MYCBP2: variants seen among roughly 807,000 people sequenced by gnomAD.
MYCBP2 encodes MYC binding protein 2, also known as E3 ubiquitin-protein ligase MYCBP2.
MYCBP2 carries 120 observed loss-of-function variants against 525.3 expected under a neutral mutation model. That is an observed-to-expected ratio of 0.23 (90% CI 0.20 to 0.27). The LOEUF (loss-of-function observed/expected upper bound fraction) is 0.27. Among genes scored for constraint, MYCBP2 ranks in the 10% least tolerant of loss-of-function variants. MYCBP2 has a pLI of 1.00. For missense variants in MYCBP2, 4,149 were observed against 5,657.1 expected, an observed-to-expected ratio of 0.73 and a Z score of 8.55; for synonymous variants, 1,894 against 1,955.8, an observed-to-expected ratio of 0.97 and a Z score of 0.83.
intron 68 of MYCBP2, among the ~76,000 whole-genome samples, chr13:77,074,624 GA>G (rs2041976602): frequency 1.3e-5 from 2 of 152,276 alleles, no homozygotes; most frequent in South Asian, 4.1e-4. Context: ...ATCAAAAAAT[GA>G]AAGGATAAAC....
At chr13:77,265,304 TTTAAACTAAAAA>T (rs2073920232) in intron 8 of MYCBP2, among the ~76,000 whole-genome samples, 1 of 151,994 alleles carries the variant, frequency 6.6e-6, no homozygotes, top group South Asian at 2.1e-4. Context: ...GCAGTAAGAT[TTTAAACTAAAAA>T]GCAAAGAAGA....
At chr13:77,315,663 G>A (rs557763906) in intron 1 of MYCBP2, among the ~76,000 whole-genome samples, 59 of 152,272 alleles carry the variant, frequency 3.9e-4, no homozygotes, top group African/African-American at 1.4e-3. Context: ...CAGAGTCTGA[G>A]GCAGGTGGAT....
intron 26 of MYCBP2, among the ~76,000 whole-genome samples, chr13:77,196,511 C>T (rs927629526): frequency 3.3e-5 from 5 of 152,166 alleles, no homozygotes; most frequent in African/African-American, 1.2e-4. Flanking sequence ...ATGACCCAAC[C>T]TGATAGCAGT....
In MYCBP2 at chr13:77,283,421, G is replaced by A. The variant is rs112189688; in HGVS notation, c.595-4510C>T. Reference sequence around the variant, plus strand: ...TCCCTACAAGACAATGCTTTCTTGAGGGCAGGAATTATGTCTCATCCTTTT... The same window carrying A: ...TCCCTACAAGACAATGCTTTCTTGAAGGCAGGAATTATGTCTCATCCTTTT... On this transcript the variant is annotated intron_variant, in intron 3 of 82. Coordinates refer to ENST00000544440, the MANE Select transcript of MYCBP2 (RefSeq NM_015057.5). Among the ~76,000 whole-genome samples, 921 of 152,204 alleles carry A rather than the reference G, an allele frequency of 6.1e-3. 4 individuals are homozygous for A. Among genetic ancestry groups the A allele is most frequent in the Middle Eastern group, 0.014 (4 of 294 alleles).
chr13:77,301,811 T>C (rs563782282), intron 1 of MYCBP2, among the ~76,000 whole-genome samples: 3 of 152,264 alleles, frequency 2.0e-5, no homozygotes, highest in African/African-American at 7.2e-5. Flanking sequence ...AGATTAACAA[T>C]ATGTGTAAAA....
At chr13:77,219,293 C>T (rs1229185853) in intron 20 of MYCBP2, among the ~76,000 whole-genome samples, 2 of 152,014 alleles carry the variant, frequency 1.3e-5, no homozygotes, top group Admixed American at 6.6e-5. Flanking sequence ...AGACATACAC[C>T]TAACCACTCG....
At position 77,171,506 on chromosome 13, in the gene MYCBP2, G is replaced by C; in HGVS notation, c.5780C>G (p.Ala1927Gly). The C allele has an allele frequency of 1.9e-6, 3 of 1,613,334 alleles. No individual in the cohort carries two copies. The highest frequency in any genetic ancestry group is 2.5e-6 in the Non-Finnish European group (3 of 1,179,606). Residue 1927 changes from alanine to glycine, a missense_variant, in exon 38 of 83, where the codon GCT becomes GGT. By Grantham distance (60) the Ala-to-Gly change is moderately conservative. Transcript: ENST00000544440. ...AAAAATATTACCATCCACAGCAAGA[G>C]CTCTGTGCAGGAGGTCCTTAGAGGC... ...VRASKDLLHR[A>G]LAVDADDIPE...
At chr13:77,260,724 C>T in intron 12 of MYCBP2, 132 bp from the exon 13 acceptor site, 1 of 730,866 alleles carries the variant, frequency 1.4e-6, no homozygotes, top group Non-Finnish European at 2.1e-6. Context: ...TTCACAAAGG[C>T]CTGGGCTTCC....
intron 21 of MYCBP2, among the ~76,000 whole-genome samples, chr13:77,216,180 G>A (rs951065986): frequency 5.3e-5 from 8 of 152,110 alleles, no homozygotes; most frequent in African/African-American, 1.4e-4. Context: ...TGGCCAAATC[G>A]GAGATAATCT....
chr13:77,222,013 A>C (rs565911247), intron 20 of MYCBP2, among the ~76,000 whole-genome samples: 13 of 152,350 alleles, frequency 8.5e-5, no homozygotes, highest in African/African-American at 2.9e-4. Context: ...TTAGGAAATA[A>C]TAACAAGACA....
At chr13:77,264,120 G>A (rs1001391329) in intron 8 of MYCBP2, 118 bp from the exon 9 acceptor site, 2 of 622,120 alleles carry the variant, frequency 3.2e-6, no homozygotes, top group African/African-American at 3.8e-5. Flanking sequence ...AACTCAAAAG[G>A]AGACTGTGCT....
rs1332782045 is a variant in MYCBP2, at chr13:77,180,122, A to T, written c.5133+5T>A. On this transcript the variant is annotated splice_donor_5th_base_variant and intron_variant, in intron 34 of 82. Coordinates refer to ENST00000544440, the MANE Select transcript of MYCBP2 (RefSeq NM_015057.5). ...TTTATCCAGTGTCAAAATATAATGT[A>T]TTACCTCAGATCCCAGGGCTGACGC... The T allele has an allele frequency of 6.2e-7, 1 of 1,608,690 alleles. No individual in the cohort carries two copies. Among genetic ancestry groups the T allele is most frequent in the East Asian group, 2.2e-5 (1 of 44,790 alleles).
At chr13:77,271,159 C>G (rs1455698981) in intron 5 of MYCBP2, among the ~76,000 whole-genome samples, 1 of 152,068 alleles carries the variant, frequency 6.6e-6, no homozygotes, top group Non-Finnish European at 1.5e-5. Context: ...CATTCTATAT[C>G]AAATAATTTC....
At chr13:77,276,252 A>C (rs1292210509) in intron 4 of MYCBP2, among the ~76,000 whole-genome samples, 1 of 152,204 alleles carries the variant, frequency 6.6e-6, no homozygotes, top group Non-Finnish European at 1.5e-5. Flanking sequence ...CAAAGAGAAG[A>C]AGCTTGGTGT....
intron 20 of MYCBP2, among the ~76,000 whole-genome samples, chr13:77,218,682 G>A (rs1032915740): frequency 4.6e-5 from 7 of 152,160 alleles, no homozygotes; most frequent in Admixed American, 2.6e-4. Flanking sequence ...TTGGATCAGC[G>A]TCTGGCACAC....
intron 62 of MYCBP2, among the ~76,000 whole-genome samples, chr13:77,085,220 A>G (rs2044028002): frequency 6.6e-6 from 1 of 152,208 alleles, no homozygotes; most frequent in African/African-American, 2.4e-5. Context: ...TGGAAGCGTT[A>G]CTTAATTTCC....
chr13:77,167,485 A>G (rs976113924), intron 40 of MYCBP2, among the ~76,000 whole-genome samples: 2 of 152,140 alleles, frequency 1.3e-5, no homozygotes, highest in African/African-American at 4.8e-5. Flanking sequence ...AGGGAACAAA[A>G]AGAGAGAGAG....
chr13:77,122,476 C>T lies in MYCBP2; in HGVS notation c.8018-981G>A, dbSNP rs190077633. Among the ~76,000 whole-genome samples, 1,209 of 151,936 alleles carry T rather than the reference C, an allele frequency of 8.0e-3. 20 individuals are homozygous for T. Among genetic ancestry groups the T allele is most frequent in the African/African-American group, 0.027 (1,123 of 41,476 alleles). ...CAGCACTTTGGGAGGCCAAGGCAGG[C>T]GGATCACGAGGTCAGGAGATCGAGA... On this transcript the variant is annotated intron_variant, in intron 54 of 82. Transcript: ENST00000544440.
At position 77,261,200 on chromosome 13, in the gene MYCBP2, G is replaced by A; in HGVS notation, c.1823C>T (p.Ser608Phe). Residue 608 changes from serine to phenylalanine, a missense_variant, in exon 12 of 83, where the codon TCT (serine) becomes TTT (phenylalanine). Physicochemically the swap from Ser to Phe is radical, Grantham distance 155. Transcript: ENST00000544440. ...AEDGSIFFTG[S>F]ASKGEDGEST... ...TTCTCCATCTTCTCCTTTACTAGCA[G>A]ATCCTGTAAAGAATATGCTCCCATC... The A allele has an allele frequency of 6.2e-7, 1 of 1,612,856 alleles. No homozygotes were observed. Among genetic ancestry groups the A allele is most frequent in the Non-Finnish European group, 8.5e-7 (1 of 1,179,246 alleles).
Sources: gnomAD v4.1 joint callset for allele counts (sites outside exome capture counted in the v4.1 genomes callset) on GRCh38, gnomAD v4.1.1 for gene constraint, MANE v1.5 for transcripts, NCBI Gene and HGNC (gene_info 2026-07-23, HGNC 2026-07-21) for gene names.